Variants in ANGPT1 observed in about 807,000 individuals in gnomAD.
ANGPT1 encodes angiopoietin 1.
A neutral mutation model predicts 62.2 loss-of-function variants in ANGPT1; 17 were observed. The observed-to-expected ratio is 0.27, with a 90% confidence interval of 0.19 to 0.41. The LOEUF is 0.41. ANGPT1 is among the 10% of genes least tolerant of loss of function. The pLI, the probability that ANGPT1 is intolerant of heterozygous loss-of-function variation, is 1.00. For synonymous variants in ANGPT1, 199 were observed against 198.9 expected (o/e 1.00, Z 0.00); for missense variants, 478 against 594.9 (o/e 0.80, Z 2.04).
At chr8:107,285,051 G>C (rs1045131319) in intron 6 of ANGPT1, among the ~76,000 whole-genome samples, 5 of 151,906 alleles carry the variant, frequency 3.3e-5, no homozygotes, top group African/African-American at 1.2e-4. Flanking sequence ...TTCTTACTTA[G>C]TACAATAAAA....
At chr8:107,291,708 G>C (rs1281498791) in intron 6 of ANGPT1, among the ~76,000 whole-genome samples, 1 of 152,098 alleles carries the variant, frequency 6.6e-6, no homozygotes, top group East Asian at 1.9e-4. Context: ...ACCGTGCCTG[G>C]CCTATAACTG....
chr8:107,392,768 A>G (rs997621091), intron 1 of ANGPT1, among the ~76,000 whole-genome samples: 20 of 152,308 alleles, frequency 1.3e-4, no homozygotes, highest in Admixed American at 1.3e-3. Flanking sequence ...ATGTGGAATT[A>G]GTTTCATATG....
At chr8:107,379,625 T>C (rs1816596532) in intron 1 of ANGPT1, among the ~76,000 whole-genome samples, 1 of 152,162 alleles carries the variant, frequency 6.6e-6, no homozygotes, top group Non-Finnish European at 1.5e-5. Context: ...GTACCCATTC[T>C]ACCTCTCCCA....
At chr8:107,446,994 G>T (rs1297661837) in intron 1 of ANGPT1, among the ~76,000 whole-genome samples, 1 of 152,162 alleles carries the variant, frequency 6.6e-6, no homozygotes, top group Non-Finnish European at 1.5e-5. Context: ...CCTTCTAGTA[G>T]AGTTGCCCAG....
chr8:107,423,470 C>T (rs1810948095), intron 1 of ANGPT1, among the ~76,000 whole-genome samples: 1 of 152,154 alleles, frequency 6.6e-6, no homozygotes, highest in African/African-American at 2.4e-5. Context: ...CCCGAAAGGC[C>T]ATTCCAGCTC....
intron 1 of ANGPT1, among the ~76,000 whole-genome samples, chr8:107,363,478 G>A (rs569320754): frequency 6.6e-6 from 1 of 152,314 alleles, no homozygotes; most frequent in South Asian, 2.1e-4. Flanking sequence ...ATGAGAAGCA[G>A]TGTTTGAGAA....
At chr8:107,343,790 G>A (rs1224971907) in intron 2 of ANGPT1, among the ~76,000 whole-genome samples, 1 of 152,180 alleles carries the variant, frequency 6.6e-6, no homozygotes, top group African/African-American at 2.4e-5. Context: ...AGGCAGGAGT[G>A]GTTGCTCATG....
intron 7 of ANGPT1, 122 bp from the exon 8 acceptor site, chr8:107,264,473 C>A (rs1251091709): frequency 8.1e-7 from 1 of 1,237,012 alleles, no homozygotes; most frequent in South Asian, 1.6e-5. Context: ...CTCAGCCCTT[C>A]CAACAAACCT....
rs1186138321 is a variant in ANGPT1 at position 107,393,120 on chromosome 8, A to G, written c.298-46023T>C. Among the ~76,000 whole-genome samples the G allele has an allele frequency of 3.3e-5, 5 of 152,212 alleles. No homozygotes were observed. In the East Asian group the frequency reaches 9.6e-4, roughly 29 times the overall value. The stretch of plus-strand genomic sequence containing the variant: ...AAACTATACAATTTTCACACCAATC[A>G]TGTTACTTTTTCATGATTTTTTTCC... On this transcript the variant is annotated intron_variant, in intron 1 of 8. Transcript: ENST00000517746.
chr8:107,254,433 G>A lies in ANGPT1; in HGVS notation c.1337-2418C>T, dbSNP rs192105203. 6.6e-5 allele frequency among the ~76,000 whole-genome samples: 10 copies of A among 151,718 alleles called. No homozygotes were observed. In the Middle Eastern group the frequency reaches 0.01, roughly 155 times the overall value. On this transcript the variant is annotated intron_variant, in intron 8 of 8. Coordinates refer to ENST00000517746, the MANE Select transcript of ANGPT1 (RefSeq NM_001146.5). ...ATTAGGTTGGTGCAAAAGTAACTGCGGTTTTTGCCATGACTGTTATTGACA... is the reference window on the plus strand; with the variant it reads ...ATTAGGTTGGTGCAAAAGTAACTGCAGTTTTTGCCATGACTGTTATTGACA...
chr8:107,465,538 GTTAAATA>G (rs1441339532), intron 1 of ANGPT1, among the ~76,000 whole-genome samples: 5 of 152,056 alleles, frequency 3.3e-5, no homozygotes, highest in Admixed American at 3.3e-4. Context: ...ATACTTCAAT[GTTAAATA>G]TTAAAGTACA....
chr8:107,255,787 T>TAAAA (rs140480032), intron 8 of ANGPT1, among the ~76,000 whole-genome samples: 4 of 151,992 alleles, frequency 2.6e-5, no homozygotes, highest in African/African-American at 9.7e-5. Context: ...TTACAGCCTG[T>TAAAA]AAAATCCTAC....
At chr8:107,426,190 G>T (rs982277061) in intron 1 of ANGPT1, among the ~76,000 whole-genome samples, 1 of 152,032 alleles carries the variant, frequency 6.6e-6, no homozygotes, top group African/African-American at 2.4e-5. Context: ...GACACAAAGG[G>T]GCCTGTGCGC....
chr8:107,429,775 T>C (rs1308247703), intron 1 of ANGPT1, among the ~76,000 whole-genome samples: 4 of 152,120 alleles, frequency 2.6e-5, no homozygotes, highest in African/African-American at 7.2e-5. Flanking sequence ...CTGTTTTTAA[T>C]AGAGTCAAGG....
intron 2 of ANGPT1, among the ~76,000 whole-genome samples, chr8:107,345,093 G>A (rs529161930): frequency 2.0e-5 from 3 of 152,236 alleles, no homozygotes; most frequent in African/African-American, 7.2e-5. Flanking sequence ...CACTTCTTAA[G>A]GTAGGGCATA....
intron 7 of ANGPT1, among the ~76,000 whole-genome samples, chr8:107,278,699 G>GT (rs1166164951): frequency 1.3e-5 from 2 of 152,190 alleles, no homozygotes; most frequent in African/African-American, 4.8e-5. Flanking sequence ...TCTACATTGT[G>GT]TATTTCTTCA....
At chr8:107,276,807 T>C (rs1310127614) in intron 7 of ANGPT1, among the ~76,000 whole-genome samples, 1 of 152,158 alleles carries the variant, frequency 6.6e-6, no homozygotes, top group African/African-American at 2.4e-5. Flanking sequence ...TTTTACAAAT[T>C]ACATCAAACT....
At chr8:107,410,840 T>C (rs1269211194) in intron 1 of ANGPT1, among the ~76,000 whole-genome samples, 1 of 152,198 alleles carries the variant, frequency 6.6e-6, no homozygotes, top group Non-Finnish European at 1.5e-5. Flanking sequence ...TTTGCAGTTA[T>C]ATTTCTCAAA....
intron 1 of ANGPT1, among the ~76,000 whole-genome samples, chr8:107,454,015 C>T (rs929085716): frequency 1.4e-4 from 21 of 152,048 alleles, no homozygotes; most frequent in African/African-American, 5.1e-4. Context: ...GATTTGTACT[C>T]ATTTAGCATA....
Sources: allele counts gnomAD v4.1 joint callset (sites outside exome capture counted in the v4.1 genomes callset), GRCh38; gene constraint gnomAD v4.1.1; transcripts MANE v1.5; gene names NCBI Gene and HGNC (gene_info 2026-07-23, HGNC 2026-07-21).